Variants in KCNMA1 observed in about 807,000 individuals in gnomAD.
KCNMA1 encodes Calcium-activated potassium channel subunit alpha-1.
Under a neutral mutation model 140.0 loss-of-function variants are expected in KCNMA1, and 29 were observed. The observed-to-expected ratio is 0.21, with a 90% CI of 0.15 to 0.28. KCNMA1 has a LOEUF of 0.28. Ranked by LOEUF, KCNMA1 falls within the 10% of genes least tolerant of loss-of-function variation. KCNMA1 has a pLI of 1.00. For synonymous variants in KCNMA1, 612 were observed against 611.9 expected (o/e 1.00, Z 0.00); for missense variants, 880 against 1,602.2 (o/e 0.55, Z 7.70).
At chr10:77,167,477 T>A (rs2098655922) in intron 5 of KCNMA1, among the ~76,000 whole-genome samples, 1 of 152,136 alleles carries the variant, frequency 6.6e-6, no homozygotes, top group South Asian at 2.1e-4. Context: ...GGCTAAAATA[T>A]CTTAGTTTAA....
intron 1 of KCNMA1, among the ~76,000 whole-genome samples, chr10:77,564,018 G>A (rs1457163163): frequency 6.6e-6 from 1 of 152,216 alleles, no homozygotes. Context: ...CAATATAAAT[G>A]TACCTCCTTA....
intron 6 of KCNMA1, among the ~76,000 whole-genome samples, chr10:77,113,765 A>G (rs1369455906): frequency 6.6e-6 from 1 of 152,166 alleles, no homozygotes; most frequent in African/African-American, 2.4e-5. Context: ...CGCCCAGCCC[A>G]GTTTATTTTT....
At chr10:77,107,388 A>G (rs1003388629) in intron 9 of KCNMA1, among the ~76,000 whole-genome samples, 13 of 152,308 alleles carry the variant, frequency 8.5e-5, no homozygotes, top group Admixed American at 8.5e-4. Context: ...CAAGTTCCTC[A>G]CTTTATATGT....
At chr10:77,592,170 C>T (rs2079406989) in intron 1 of KCNMA1, among the ~76,000 whole-genome samples, 1 of 152,136 alleles carries the variant, frequency 6.6e-6, no homozygotes, top group African/African-American at 2.4e-5. Flanking sequence ...AAAAAAAACC[C>T]ATATGCTTTA....
At chr10:77,234,948 G>A (rs10824497) in intron 3 of KCNMA1, among the ~76,000 whole-genome samples, 8,368 of 152,224 alleles carry the variant, frequency 0.055, 589 homozygotes, top group East Asian at 0.21. Context: ...GGCCCAGAAC[G>A]CAGAGTTCAG....
At chr10:77,281,796 C>T (rs1312487886) in intron 2 of KCNMA1, among the ~76,000 whole-genome samples, 1 of 152,214 alleles carries the variant, frequency 6.6e-6, no homozygotes, top group South Asian at 2.1e-4. Flanking sequence ...TAAAGGATTA[C>T]ATACTGTATG....
At chr10:77,546,918 G>A (rs915134401) in intron 1 of KCNMA1, among the ~76,000 whole-genome samples, 24 of 152,168 alleles carry the variant, frequency 1.6e-4, no homozygotes, top group African/African-American at 5.1e-4. Context: ...CAGCAACAGT[G>A]AGACCCAAAG....
At chr10:77,518,416 G>A (rs2051401767) in intron 1 of KCNMA1, among the ~76,000 whole-genome samples, 1 of 152,110 alleles carries the variant, frequency 6.6e-6, no homozygotes, top group Non-Finnish European at 1.5e-5. Flanking sequence ...TGTTCCTTTG[G>A]GTTAAGCAAT....
At chr10:77,568,579 G>A (rs1359777713) in intron 1 of KCNMA1, among the ~76,000 whole-genome samples, 7 of 151,426 alleles carry the variant, frequency 4.6e-5, no homozygotes, top group Admixed American at 6.6e-5. Flanking sequence ...CTGATGGGAC[G>A]TATCTCAAAA....
rs371091563 is a variant in KCNMA1 at position 77,047,707 on chromosome 10, C to A, written c.1750-8070G>T. On this transcript the variant is annotated intron_variant, in intron 14 of 27. Transcript: ENST00000286628. ...TTTTAAAGATTGGCCTATTCACTCT[C>A]TGTTCAGAGAGGAATTTGGTTTTGC... Among the ~76,000 whole-genome samples the A allele has an allele frequency of 5.3e-5, 8 of 151,364 alleles. No homozygotes were observed. The East Asian group carries it at 1.4e-3, about 26-fold the overall frequency.
In KCNMA1 at chr10:77,221,836, C is replaced by T. The variant is rs1002568996; in HGVS notation, c.602+29359G>A. ...TAAGCATTAAAGGACTAGACTGTAC[C>T]CACCTAAACACTGCATCACAAGGAA... On this transcript the variant is annotated intron_variant, in intron 3 of 27. Coordinates refer to ENST00000286628, the MANE Select transcript of KCNMA1 (RefSeq NM_001161352.2). Among the ~76,000 whole-genome samples, 7 of 152,088 alleles carry T rather than the reference C, an allele frequency of 4.6e-5. No individual in the cohort carries two copies. The South Asian group carries it at 8.3e-4, about 18-fold the overall frequency.
intron 2 of KCNMA1, among the ~76,000 whole-genome samples, chr10:77,324,871 A>G (rs533963025): frequency 1.3e-5 from 2 of 152,056 alleles, no homozygotes; most frequent in Admixed American, 1.3e-4. Context: ...GGGTTGGGAT[A>G]CTACAATTTT....
chr10:77,597,185 T>C lies in KCNMA1; in HGVS notation c.378+40080A>G, dbSNP rs190016948. On this transcript the variant is annotated intron_variant, in intron 1 of 27. Transcript: ENST00000286628. ...ATCAAAAGAGAATGATTGAAAAAAT[T>C]ATGGTACCTCTATACCGTGAAAATT... Among the ~76,000 whole-genome samples, 4 of 152,216 alleles carry C rather than the reference T, an allele frequency of 2.6e-5. No individual in the cohort carries two copies. The East Asian group carries it at 7.7e-4, about 29-fold the overall frequency.
At position 77,486,842 on chromosome 10, in the gene KCNMA1, T is replaced by G. The variant is rs141421163; in HGVS notation, c.379-82819A>C. ...CTCCTAGCCCCAAGCAGGCAAGTCA[T>G]GGAGGGGTTTCCCTTCCTCCCTAGT... On this transcript the variant is annotated intron_variant, in intron 1 of 27. Transcript: ENST00000286628. Among the ~76,000 whole-genome samples, 352 of 152,346 alleles carry G rather than the reference T, an allele frequency of 2.3e-3. 6 individuals are homozygous for G. The South Asian group carries it at 0.026, about 11-fold the overall frequency.
intron 19 of KCNMA1, among the ~76,000 whole-genome samples, chr10:76,993,466 T>C (rs2083336542): frequency 6.6e-6 from 1 of 152,348 alleles, no homozygotes; most frequent in South Asian, 2.1e-4. Flanking sequence ...CCAGAGCCAC[T>C]AATTAAACTG....
intron 1 of KCNMA1, among the ~76,000 whole-genome samples, chr10:77,510,025 CA>C (rs2047775430): frequency 6.6e-6 from 1 of 152,108 alleles, no homozygotes; most frequent in Non-Finnish European, 1.5e-5. Flanking sequence ...GTTCTCCTTC[CA>C]TGAGTGTTGC....
intron 5 of KCNMA1, among the ~76,000 whole-genome samples, chr10:77,141,769 C>A (rs1204656743): frequency 6.6e-6 from 1 of 152,184 alleles, no homozygotes; most frequent in Non-Finnish European, 1.5e-5. Context: ...CCACATTCCA[C>A]AAGTTGTTAG....
chr10:77,232,885 C>G (rs1223187324), intron 3 of KCNMA1, among the ~76,000 whole-genome samples: 3 of 99,382 alleles, frequency 3.0e-5, no homozygotes, highest in East Asian at 7.7e-4. Context: ...ATCCCAGCAC[C>G]ATTTTTTTTT....
At chr10:77,594,239 C>T (rs1327039675) in intron 1 of KCNMA1, among the ~76,000 whole-genome samples, 3 of 152,202 alleles carry the variant, frequency 2.0e-5, no homozygotes, top group Non-Finnish European at 2.9e-5. Context: ...AGTAGCAATA[C>T]TGTCACCCCT....
Sources: gnomAD v4.1 joint callset for allele counts (sites outside exome capture counted in the v4.1 genomes callset) on GRCh38, gnomAD v4.1.1 for gene constraint, MANE v1.5 for transcripts, NCBI Gene and HGNC (gene_info 2026-07-23, HGNC 2026-07-21) for gene names.